GAP43: variants seen among roughly 807,000 people sequenced by gnomAD.
The protein encoded by GAP43 is neuromodulin.
GAP43 carries 6 observed loss-of-function variants against 18.6 expected under a neutral mutation model. The ratio of observed to expected loss-of-function variants is 0.32; its 90% CI spans 0.18 to 0.64. The LOEUF (loss-of-function observed/expected upper bound fraction) is 0.64. Among genes scored for constraint, GAP43 ranks in the 30% least tolerant of loss-of-function variants. The pLI is 0.78. For synonymous variants in GAP43, 115 were observed against 111.4 expected, an observed-to-expected ratio of 1.03 and a Z score of -0.20; for missense variants, 292 against 295.5, an observed-to-expected ratio of 0.99 and a Z score of 0.09.
chr3:115,703,439 G>A (rs937708779), intron 2 of GAP43, among the ~76,000 whole-genome samples: 2 of 152,072 alleles, frequency 1.3e-5, no homozygotes, highest in Non-Finnish European at 2.9e-5. Flanking sequence ...TTTCAGCTGA[G>A]TATCTGGAAT....
At chr3:115,643,877 G>C (rs925868968) in intron 1 of GAP43, among the ~76,000 whole-genome samples, 1 of 152,020 alleles carries the variant, frequency 6.6e-6, no homozygotes, top group African/African-American at 2.4e-5. Flanking sequence ...TGGTACATAT[G>C]AGGTACTCAA....
Position 115,623,582 on chromosome 3 carries a change from G to A in GAP43, c.-108G>A, listed in dbSNP as rs1412058734. 4 of 1,435,948 alleles carry A rather than the reference G, an allele frequency of 2.8e-6. No individual in the cohort carries two copies. Among genetic ancestry groups the A allele is most frequent in the Non-Finnish European group, 3.9e-6 (4 of 1,028,406 alleles). 89.0% of individuals were successfully genotyped at this position (1,435,948 alleles called of 1,614,324 possible). A position where few individuals can be genotyped will look rare whatever the true frequency, so the allele number is the denominator to read the frequency against. ...GGAGGGAGAGAGAGCGCGCTAGCGC[G>A]AGAGAGCGAGTGAGCAAGCGAGCAG... is the stretch of plus-strand genomic sequence containing the variant. On this transcript the variant is annotated 5_prime_UTR_variant, in exon 1 of 3. Transcript: ENST00000305124.
At chr3:115,690,792 G>A (rs1709101427) in intron 2 of GAP43, among the ~76,000 whole-genome samples, 1 of 116,696 alleles carries the variant, frequency 8.6e-6, no homozygotes, top group South Asian at 2.6e-4. Context: ...GTCTCCCTCT[G>A]TCGCCCAGGC....
At chr3:115,651,449 C>CT (rs1200031509) in intron 1 of GAP43, among the ~76,000 whole-genome samples, 2 of 152,164 alleles carry the variant, frequency 1.3e-5, no homozygotes, top group African/African-American at 2.4e-5. Flanking sequence ...ATAAATTTTA[C>CT]TACCAGTTAT....
chr3:115,642,778 T>C (rs939959324), intron 1 of GAP43, among the ~76,000 whole-genome samples: 2 of 152,094 alleles, frequency 1.3e-5, no homozygotes, highest in Non-Finnish European at 2.9e-5. Flanking sequence ...TTATTACTTG[T>C]TATTGTTGAT....
At chr3:115,678,600 A>G (rs1708922185) in intron 2 of GAP43, among the ~76,000 whole-genome samples, 1 of 152,180 alleles carries the variant, frequency 6.6e-6, no homozygotes, top group Non-Finnish European at 1.5e-5. Flanking sequence ...ACTCATTTAT[A>G]TATTTCTCTT....
chr3:115,668,248 T>G (rs978007284), intron 1 of GAP43, among the ~76,000 whole-genome samples: 1 of 152,176 alleles, frequency 6.6e-6, no homozygotes, highest in East Asian at 1.9e-4. Flanking sequence ...ACGTGCCTCA[T>G]CGCAACACTG....
chr3:115,700,234 G>T (rs149613359), intron 2 of GAP43, among the ~76,000 whole-genome samples: 120 of 152,274 alleles, frequency 7.9e-4, no homozygotes, highest in African/African-American at 2.7e-3. Context: ...ATGTCTGAAC[G>T]CAGACTAAAT....
chr3:115,679,366 G>A (rs1708931390), intron 2 of GAP43, among the ~76,000 whole-genome samples: 1 of 152,070 alleles, frequency 6.6e-6, no homozygotes, highest in African/African-American at 2.4e-5. Context: ...TGTTTGTTAT[G>A]GGGGGATGTC....
rs749681549 is a variant in GAP43 at position 115,676,406 on chromosome 3, A to G, written c.424A>G (p.Ser142Gly). 1 of 1,613,834 alleles carries G rather than the reference A, an allele frequency of 6.2e-7. No individual in the cohort carries two copies. Among genetic ancestry groups the G allele is most frequent in the Admixed American group, 1.7e-5 (1 of 60,002 alleles). ...EEKAGSAETE[S>G]ATKASTDNSP... ...GAAGGCCGGCTCAGCTGAGACAGAAAGTGCCACTAAAGCTTCCACTGATAA... is the reference window on the plus strand; with the variant it reads ...GAAGGCCGGCTCAGCTGAGACAGAAGGTGCCACTAAAGCTTCCACTGATAA... Residue 142 changes from serine (S) to glycine (G), a missense_variant, in exon 2 of 3, where the codon AGT becomes GGT. Coordinates refer to ENST00000305124, the MANE Select transcript of GAP43 (RefSeq NM_002045.4).
At chr3:115,696,574 C>T (rs1709192338) in intron 2 of GAP43, among the ~76,000 whole-genome samples, 1 of 85,546 alleles carries the variant, frequency 1.2e-5, no homozygotes, top group Non-Finnish European at 2.3e-5. Context: ...TGCTGCCCCC[C>T]ACCGCCCCCC....
At chr3:115,633,591 C>G (rs115233490) in intron 1 of GAP43, among the ~76,000 whole-genome samples, 3 of 152,060 alleles carry the variant, frequency 2.0e-5, no homozygotes, top group Non-Finnish European at 4.4e-5. Flanking sequence ...ACTGATGGCT[C>G]TAAAAGGAAG....
chr3:115,642,327 C>T (rs934779029), intron 1 of GAP43, among the ~76,000 whole-genome samples: 2 of 151,802 alleles, frequency 1.3e-5, no homozygotes, highest in African/African-American at 4.8e-5. Flanking sequence ...TATTATATTA[C>T]AATCCTTTAT....
chr3:115,656,414 C>T (rs1708582405), intron 1 of GAP43, among the ~76,000 whole-genome samples: 1 of 152,184 alleles, frequency 6.6e-6, no homozygotes, highest in South Asian at 2.1e-4. Flanking sequence ...TACTAACATG[C>T]AGTTTGGGCT....
intron 2 of GAP43, among the ~76,000 whole-genome samples, chr3:115,679,163 G>A (rs1234627475): frequency 6.6e-6 from 1 of 152,004 alleles, no homozygotes; most frequent in African/African-American, 2.4e-5. Flanking sequence ...CTGGAGGGGC[G>A]TGGACAGACA....
intron 2 of GAP43, among the ~76,000 whole-genome samples, chr3:115,712,333 C>T (rs1709450792): frequency 6.6e-6 from 1 of 152,156 alleles, no homozygotes; most frequent in Admixed American, 6.5e-5. Flanking sequence ...CAGAGTCAGA[C>T]TTTACAGAAA....
intron 1 of GAP43, among the ~76,000 whole-genome samples, chr3:115,645,121 T>C (rs1708442406): frequency 6.6e-6 from 1 of 152,044 alleles, no homozygotes; most frequent in African/African-American, 2.4e-5. Context: ...AGGCATCTTA[T>C]CTATGAGTTA....
chr3:115,675,073 G>C (rs1286982416), intron 1 of GAP43, among the ~76,000 whole-genome samples: 1 of 152,054 alleles, frequency 6.6e-6, no homozygotes, highest in East Asian at 1.9e-4. Flanking sequence ...TTTTGTTTCT[G>C]GTTTGCTTGC....
intron 1 of GAP43, among the ~76,000 whole-genome samples, chr3:115,655,888 G>C (rs1356517023): frequency 6.6e-6 from 1 of 152,162 alleles, no homozygotes; most frequent in African/African-American, 2.4e-5. Context: ...AATACAACAG[G>C]AACAGTCTAG....
Sources: gnomAD v4.1 joint callset for allele counts (sites outside exome capture counted in the v4.1 genomes callset) on GRCh38, gnomAD v4.1.1 for gene constraint, MANE v1.5 for transcripts, NCBI Gene and HGNC (gene_info 2026-07-23, HGNC 2026-07-21) for gene names.